SOX5: variants seen among roughly 807,000 people sequenced by gnomAD.
SOX5 encodes the protein transcription factor SOX-5.
A neutral mutation model predicts 92.0 loss-of-function variants in SOX5; 9 were observed. The ratio of observed to expected loss-of-function variants is 0.10; its 90% CI spans 0.06 to 0.17. The LOEUF is 0.17. SOX5 is among the 10% of genes least tolerant of loss of function. SOX5 has a pLI of 1.00. For missense variants in SOX5, 642 were observed against 944.5 expected (o/e 0.68, Z 4.20); for synonymous variants, 344 against 336.3 (o/e 1.02, Z -0.25).
At chr12:23,652,236 A>G (rs759203500) in intron 7 of SOX5, among the ~76,000 whole-genome samples, 4 of 151,986 alleles carry the variant, frequency 2.6e-5, no homozygotes, top group Non-Finnish European at 5.9e-5. Flanking sequence ...TTCTCTAATT[A>G]TATCTATACA....
At chr12:24,424,507 A>G (rs1301399735) in intron 1 of SOX5, among the ~76,000 whole-genome samples, 2 of 152,104 alleles carry the variant, frequency 1.3e-5, no homozygotes, top group African/African-American at 4.8e-5. Context: ...GCAGGCTGCT[A>G]TGAGAACAAG....
At chr12:24,529,152 T>C (rs975799408) in intron 1 of SOX5, among the ~76,000 whole-genome samples, 2 of 152,170 alleles carry the variant, frequency 1.3e-5, no homozygotes, top group Non-Finnish European at 2.9e-5. Flanking sequence ...TCACTTAGAA[T>C]TATAATAATC....
intron 6 of SOX5, among the ~76,000 whole-genome samples, chr12:23,690,348 CATAGAAAGA>C (rs1231384950): frequency 2.0e-5 from 3 of 149,418 alleles, no homozygotes; most frequent in African/African-American, 7.7e-5. Flanking sequence ...CCATGTAACA[CATAGAAAGA>C]CATATTCATT....
At chr12:23,541,376 T>C (rs1942001357) in intron 13 of SOX5, among the ~76,000 whole-genome samples, 1 of 152,208 alleles carries the variant, frequency 6.6e-6, no homozygotes, top group South Asian at 2.1e-4. Flanking sequence ...CTGACAATTT[T>C]GGATTTCTAA....
chr12:24,280,511 C>A (rs191672191), intron 2 of SOX5, among the ~76,000 whole-genome samples: 1 of 152,168 alleles, frequency 6.6e-6, no homozygotes, highest in East Asian at 1.9e-4. Context: ...ATAGTGAATT[C>A]TATCATGATT....
intron 3 of SOX5, among the ~76,000 whole-genome samples, chr12:24,235,086 A>C (rs1472612515): frequency 6.6e-6 from 1 of 152,176 alleles, no homozygotes; most frequent in African/African-American, 2.4e-5. Flanking sequence ...TTTGCTTTTT[A>C]AAATCTCCTC....
In SOX5 at chr12:23,618,147, C is replaced by T. The variant is rs144081655; in HGVS notation, c.1018-13614G>A. 1.1e-3 allele frequency among the ~76,000 whole-genome samples: 169 copies of T among 152,258 alleles called. 1 individual carries two copies. The highest frequency in any genetic ancestry group is 6.8e-3 in the Middle Eastern group (2 of 294). On this transcript the variant is annotated intron_variant, in intron 8 of 14. Transcript: ENST00000451604. ...ACTGGCTGGAAGGCTCTTCAGATCT[C>T]TCTATGTATCAGTGATTATACTTAT... is the stretch of plus-strand genomic sequence containing the variant.
chr12:24,299,649 G>T (rs1315644908), intron 2 of SOX5, among the ~76,000 whole-genome samples: 1 of 152,082 alleles, frequency 6.6e-6, no homozygotes, highest in East Asian at 1.9e-4. Flanking sequence ...TAGCATTTTT[G>T]ATTTCCTGAT....
intron 2 of SOX5, among the ~76,000 whole-genome samples, chr12:23,888,960 A>AAATCGGGT (rs1279205104): frequency 6.6e-6 from 1 of 152,198 alleles, no homozygotes; most frequent in African/African-American, 2.4e-5. Context: ...AAACTGTGTG[A>AAATCGGGT]AATCGGGTAT....
At chr12:24,012,311 C>T (rs933806370) in intron 4 of SOX5, among the ~76,000 whole-genome samples, 8 of 152,062 alleles carry the variant, frequency 5.3e-5, no homozygotes, top group Non-Finnish European at 1.2e-4. Flanking sequence ...GGGCAGTTTC[C>T]AAGTCAACAT....
At chr12:24,222,176 C>T (rs1960626996) in intron 3 of SOX5, among the ~76,000 whole-genome samples, 1 of 152,172 alleles carries the variant, frequency 6.6e-6, no homozygotes, top group Non-Finnish European at 1.5e-5. Flanking sequence ...CCACCAAGCA[C>T]ATGGCAGGCC....
chr12:24,220,026 A>G (rs554424659), intron 3 of SOX5, among the ~76,000 whole-genome samples: 1 of 152,258 alleles, frequency 6.6e-6, no homozygotes, highest in South Asian at 2.1e-4. Context: ...ATAACTCGGT[A>G]ATTAATGTTA....
intron 2 of SOX5, among the ~76,000 whole-genome samples, chr12:23,849,303 A>G (rs1404620923): frequency 6.6e-6 from 1 of 152,236 alleles, no homozygotes; most frequent in African/African-American, 2.4e-5. Context: ...TATTCAATCT[A>G]TCAGACAGTA....
chr12:24,209,718 T>C, intron 4 of SOX5, among the ~76,000 whole-genome samples: 1 of 152,152 alleles, frequency 6.6e-6, no homozygotes, highest in East Asian at 1.9e-4. Context: ...GAAATGACAC[T>C]TTTAGAAATA....
intron 1 of SOX5, among the ~76,000 whole-genome samples, chr12:24,441,128 A>G (rs1210425783): frequency 6.6e-6 from 1 of 152,230 alleles, no homozygotes; most frequent in African/African-American, 2.4e-5. Context: ...AACCCACGTC[A>G]TAAGACTTTG....
At chr12:24,018,755 C>T (rs1240574747) in intron 4 of SOX5, among the ~76,000 whole-genome samples, 1 of 151,890 alleles carries the variant, frequency 6.6e-6, no homozygotes, top group Non-Finnish European at 1.5e-5. Flanking sequence ...TGAGATCACA[C>T]CCATTGCACT....
intron 4 of SOX5, among the ~76,000 whole-genome samples, chr12:24,207,303 T>C (rs1374390500): frequency 1.3e-5 from 2 of 152,170 alleles, no homozygotes; most frequent in Non-Finnish European, 2.9e-5. Context: ...ACTCTATAGA[T>C]GGATGGGATC....
At chr12:24,355,282 C>CAATTTTTTTTTTTTT (rs1221012836) in intron 2 of SOX5, among the ~76,000 whole-genome samples, 3 of 71,920 alleles carry the variant, frequency 4.2e-5, no homozygotes, top group Non-Finnish European at 6.9e-5. Flanking sequence ...AGGGGTGCAT[C>CAATTTTTTTTTTTTT]TTTTTTTTTT....
chr12:23,618,082 A>C (rs911293672), intron 8 of SOX5, among the ~76,000 whole-genome samples: 6 of 152,194 alleles, frequency 3.9e-5, no homozygotes, highest in African/African-American at 1.4e-4. Flanking sequence ...TGAGGTCACC[A>C]ACCAGCAAAT....
Sources: gnomAD v4.1 joint callset for allele counts (sites outside exome capture counted in the v4.1 genomes callset) on GRCh38, gnomAD v4.1.1 for gene constraint, MANE v1.5 for transcripts, NCBI Gene and HGNC (gene_info 2026-07-23, HGNC 2026-07-21) for gene names.